RBFOX3: variants seen among roughly 807,000 people sequenced by gnomAD.
The protein encoded by RBFOX3 is RNA binding protein fox-1 homolog 3.
Under a neutral mutation model 48.7 loss-of-function variants are expected in RBFOX3, and 17 were observed. That is an observed-to-expected ratio of 0.35 (90% CI 0.24 to 0.52). The LOEUF is 0.52. Among genes scored for constraint, RBFOX3 ranks in the 20% least tolerant of loss-of-function variants. The probability of loss-of-function intolerance (pLI) is 0.94; values close to 1 mark genes in which losing one functional copy is unlikely to be tolerated. For synonymous variants in RBFOX3, 212 were observed against 209.5 expected (o/e 1.01, Z -0.10); for missense variants, 382 against 497.5 (o/e 0.77, Z 2.21).
Position 79,252,126 on chromosome 17 carries a change from T to TCTGGCC in RBFOX3, c.-73-16327_-73-16322dup. On this transcript the variant is annotated intron_variant, in intron 3 of 14. Transcript: ENST00000693108. The surrounding 1 kb of genome is among the most constrained non-coding windows in gnomAD (Gnocchi z 4.0). ...CACACCCTCCTGGTCTCCCCATGGC[T>TCTGGCC]CTGGCCCTTCCTCCTGCCTTTGCCT... Among the ~76,000 whole-genome samples the TCTGGCC allele has an allele frequency of 6.6e-6, 1 of 152,294 alleles. No individual in the cohort carries two copies. Among genetic ancestry groups the TCTGGCC allele is most frequent in the African/African-American group, 2.4e-5 (1 of 41,572 alleles).
chr17:79,360,107 C>T (rs576443340), intron 2 of RBFOX3, among the ~76,000 whole-genome samples: 20 of 152,080 alleles, frequency 1.3e-4, no homozygotes, highest in African/African-American at 3.1e-4. Context: ...TTTCTCTTTC[C>T]GACCTCCATG....
chr17:79,559,238 T>C (rs1368412343), intron 1 of RBFOX3, among the ~76,000 whole-genome samples: 4 of 152,332 alleles, frequency 2.6e-5, no homozygotes, highest in African/African-American at 9.6e-5. Flanking sequence ...AAGTGCTTAC[T>C]AATTATTTAT....
chr17:79,406,336 C>T (rs2063532132), intron 2 of RBFOX3, among the ~76,000 whole-genome samples: 1 of 152,202 alleles, frequency 6.6e-6, no homozygotes. Flanking sequence ...TCACCCGTGG[C>T]TCCCGCTGGG....
At chr17:79,610,118 C>A (rs1427398803) in intron 1 of RBFOX3, among the ~76,000 whole-genome samples, 1 of 152,036 alleles carries the variant, frequency 6.6e-6, no homozygotes, top group South Asian at 2.1e-4. Flanking sequence ...GCGCGCCGCT[C>A]GCCCCTCGCT....
chr17:79,397,492 C>A (rs1262639391), intron 2 of RBFOX3, among the ~76,000 whole-genome samples: 2 of 146,870 alleles, frequency 1.4e-5, no homozygotes, highest in African/African-American at 5.1e-5. Flanking sequence ...GACTCCATCC[C>A]CAAAAAAAAA....
chr17:79,531,216 T>C (rs2087720547), intron 1 of RBFOX3, among the ~76,000 whole-genome samples: 1 of 152,198 alleles, frequency 6.6e-6, no homozygotes, highest in Non-Finnish European at 1.5e-5. Context: ...CCACAGACTG[T>C]GCTTGCCCAT....
chr17:79,385,109 C>T (rs1182061737), intron 2 of RBFOX3, among the ~76,000 whole-genome samples: 3 of 152,308 alleles, frequency 2.0e-5, no homozygotes, highest in South Asian at 2.1e-4. Flanking sequence ...GGCTCTTGGG[C>T]CCACCTGCCA....
intron 2 of RBFOX3, among the ~76,000 whole-genome samples, chr17:79,355,221 G>A (rs547058187): frequency 6.6e-6 from 1 of 151,974 alleles, no homozygotes; most frequent in African/African-American, 2.4e-5. Flanking sequence ...TCCCTAAGAA[G>A]AAAGTTCTTC....
intron 1 of RBFOX3, among the ~76,000 whole-genome samples, chr17:79,547,697 G>A (rs1365399528): frequency 6.6e-6 from 1 of 152,190 alleles, no homozygotes; most frequent in Non-Finnish European, 1.5e-5. Context: ...CCCAGTCCAG[G>A]GGCTGCCGTC....
chr17:79,148,028 C>T (rs913367416), intron 4 of RBFOX3, among the ~76,000 whole-genome samples: 2 of 152,224 alleles, frequency 1.3e-5, no homozygotes, highest in Admixed American at 6.5e-5. Flanking sequence ...GGGGGGAGGG[C>T]GGATGTACAG....
intron 2 of RBFOX3, among the ~76,000 whole-genome samples, chr17:79,329,081 A>T (rs561423459): frequency 6.6e-6 from 1 of 152,230 alleles, no homozygotes; most frequent in Admixed American, 6.5e-5. Context: ...ATACAGAAAG[A>T]TAGTCCCCAC....
intron 3 of RBFOX3, among the ~76,000 whole-genome samples, chr17:79,283,160 G>A (rs1336854269): frequency 1.3e-5 from 2 of 152,074 alleles, no homozygotes; most frequent in Non-Finnish European, 2.9e-5. Flanking sequence ...AGCAGCCTCC[G>A]TTAGTAGGTT....
chr17:79,407,947 G>A (rs1049054209), intron 2 of RBFOX3, among the ~76,000 whole-genome samples: 4 of 152,184 alleles, frequency 2.6e-5, no homozygotes, highest in Admixed American at 1.3e-4. Context: ...AAGATGAAAC[G>A]CCGGCTTCTC....
chr17:79,218,557 C>T (rs1044205988), intron 4 of RBFOX3, among the ~76,000 whole-genome samples: 2 of 152,122 alleles, frequency 1.3e-5, no homozygotes, highest in Admixed American at 6.5e-5. Flanking sequence ...GGGAGGAAGA[C>T]CCCCAGAGGA....
intron 1 of RBFOX3, among the ~76,000 whole-genome samples, chr17:79,513,684 C>T (rs1468625701): frequency 3.9e-5 from 6 of 152,318 alleles, no homozygotes; most frequent in Admixed American, 3.3e-4. Flanking sequence ...CTCTGAGCTC[C>T]AGTGTCCTCC....
In RBFOX3 at chr17:79,477,752, C is replaced by T. The variant is rs1272643973; in HGVS notation, c.-175+4702G>A. ...GAGGGACTGAAGTGGCTGAGCCTGGCATCCTTCCTAAATATTTTCCAAATA... is the reference window on the plus strand; with the variant it reads ...GAGGGACTGAAGTGGCTGAGCCTGGTATCCTTCCTAAATATTTTCCAAATA... On this transcript the variant is annotated intron_variant, in intron 2 of 14. Coordinates refer to ENST00000693108, the MANE Select transcript of RBFOX3 (RefSeq NM_001350451.2). This position sits in a 1 kb window ranked among gnomAD's most constrained non-coding sequence, Gnocchi z 4.8. Among the ~76,000 whole-genome samples the T allele has an allele frequency of 3.3e-5, 5 of 152,152 alleles. No individual in the cohort carries two copies. Among genetic ancestry groups the T allele is most frequent in the Admixed American group, 6.5e-5 (1 of 15,284 alleles).
At chr17:79,337,144 A>C (rs1193024527) in intron 2 of RBFOX3, among the ~76,000 whole-genome samples, 1 of 151,994 alleles carries the variant, frequency 6.6e-6, no homozygotes, top group African/African-American at 2.4e-5. Context: ...GAGTGCTCTT[A>C]TTTCGATAGT....
chr17:79,355,101 C>T (rs1053484641), intron 2 of RBFOX3, among the ~76,000 whole-genome samples: 1 of 152,224 alleles, frequency 6.6e-6, no homozygotes. Context: ...CACTTTCTCA[C>T]CTACTTCCAA....
rs114446741 is a variant in RBFOX3 at position 79,125,015 on chromosome 17, C to T, written c.-33-9267G>A. On this transcript the variant is annotated intron_variant, in intron 4 of 14. Coordinates refer to ENST00000693108, the MANE Select transcript of RBFOX3 (RefSeq NM_001350451.2). ...GGGCCTGGCGTGGTGATGGCTCTGTCGTCGCCAGTTCTGGGGTCCTGTGCT... is the reference window on the plus strand; with the variant it reads ...GGGCCTGGCGTGGTGATGGCTCTGTTGTCGCCAGTTCTGGGGTCCTGTGCT... Among the ~76,000 whole-genome samples the T allele has an allele frequency of 6.5e-3, 984 of 152,312 alleles. 13 individuals are homozygous for T. Among genetic ancestry groups the T allele is most frequent in the African/African-American group, 0.023 (952 of 41,558 alleles).
Sources: allele counts gnomAD v4.1 joint callset (sites outside exome capture counted in the v4.1 genomes callset), GRCh38; gene constraint gnomAD v4.1.1; non-coding constraint Gnocchi (gnomAD v3.1); transcripts MANE v1.5; gene names NCBI Gene and HGNC (gene_info 2026-07-23, HGNC 2026-07-21).